Variants in CNTNAP2 observed in about 807,000 individuals in gnomAD.
CNTNAP2 encodes contactin associated protein 2.
CNTNAP2 carries 98 observed loss-of-function variants against 155.2 expected under a neutral mutation model. That is an observed-to-expected ratio of 0.63 (90% CI 0.54 to 0.75). The LOEUF is 0.75. CNTNAP2 is among the 30% of genes least tolerant of loss of function. The pLI, the probability that CNTNAP2 is intolerant of heterozygous loss-of-function variation, is 0.00. For synonymous variants in CNTNAP2, 651 were observed against 631.2 expected (o/e 1.03, Z -0.47); for missense variants, 1,727 against 1,688.1 (o/e 1.02, Z -0.40).
intron 8 of CNTNAP2, among the ~76,000 whole-genome samples, chr7:147,281,396 C>T (rs1805030020): frequency 6.6e-6 from 1 of 151,708 alleles, no homozygotes. Context: ...AATTGATGCT[C>T]TGTGAGGTCA....
At chr7:146,117,192 A>G (rs1797496639) in intron 1 of CNTNAP2, 1 of 567,780 alleles carries the variant, frequency 1.8e-6, no homozygotes, top group African/African-American at 1.9e-5. Context: ...GTTTCTGGAA[A>G]GTTGTTCCTG....
intron 12 of CNTNAP2, among the ~76,000 whole-genome samples, chr7:147,596,812 A>G (rs769654058): frequency 7.2e-5 from 11 of 152,186 alleles, no homozygotes; most frequent in Non-Finnish European, 1.0e-4. Flanking sequence ...GGTCATAAAG[A>G]CTTTGCTGAT....
intron 21 of CNTNAP2, among the ~76,000 whole-genome samples, chr7:148,301,193 C>G (rs1231470006): frequency 6.6e-6 from 1 of 151,230 alleles, no homozygotes. Context: ...ACTCAGGAGG[C>G]TGAGGCAGGA....
intron 13 of CNTNAP2, among the ~76,000 whole-genome samples, chr7:147,801,721 T>C (rs1422926396): frequency 1.4e-4 from 22 of 152,338 alleles, no homozygotes; most frequent in African/African-American, 3.4e-4. Flanking sequence ...CCATGTCTAC[T>C]TCTTTCTACA....
intron 13 of CNTNAP2, among the ~76,000 whole-genome samples, chr7:147,825,551 A>G (rs1486217016): frequency 1.3e-5 from 2 of 152,228 alleles, no homozygotes; most frequent in Non-Finnish European, 2.9e-5. Context: ...CTGATGTATG[A>G]TAATAGTATT....
At chr7:146,319,155 A>T (rs1800959150) in intron 1 of CNTNAP2, among the ~76,000 whole-genome samples, 1 of 152,054 alleles carries the variant, frequency 6.6e-6, no homozygotes, top group Admixed American at 6.5e-5. Flanking sequence ...AACCCTCCTT[A>T]TCCTCTAGGT....
At chr7:148,214,933 G>A (rs1430868928) in intron 18 of CNTNAP2, among the ~76,000 whole-genome samples, 4 of 152,094 alleles carry the variant, frequency 2.6e-5, no homozygotes, top group Non-Finnish European at 2.9e-5. Context: ...GTCCTTGCCC[G>A]TGCCCACTAA....
At chr7:146,717,790 C>T (rs983359700) in intron 1 of CNTNAP2, among the ~76,000 whole-genome samples, 7 of 152,014 alleles carry the variant, frequency 4.6e-5, no homozygotes, top group Non-Finnish European at 1.0e-4. Context: ...CGCCACACAG[C>T]TCTTTAGCAT....
intron 1 of CNTNAP2, among the ~76,000 whole-genome samples, chr7:146,600,662 G>T (rs1015546356): frequency 1.3e-5 from 2 of 152,002 alleles, no homozygotes; most frequent in Non-Finnish European, 2.9e-5. Context: ...TACCTTTTTA[G>T]TACTTGTATT....
At chr7:147,155,932 G>T (rs1801916794) in intron 8 of CNTNAP2, among the ~76,000 whole-genome samples, 1 of 152,052 alleles carries the variant, frequency 6.6e-6, no homozygotes, top group Admixed American at 6.6e-5. Flanking sequence ...TCAGAGTGTG[G>T]GAAAAATCTG....
intron 9 of CNTNAP2, among the ~76,000 whole-genome samples, chr7:147,319,023 T>C (rs553299701): frequency 6.6e-6 from 1 of 152,178 alleles, no homozygotes; most frequent in Non-Finnish European, 1.5e-5. Context: ...AAAAGTAATC[T>C]TCTGACATAG....
intron 3 of CNTNAP2, among the ~76,000 whole-genome samples, chr7:146,876,759 T>G (rs1242635147): frequency 1.3e-5 from 2 of 152,146 alleles, no homozygotes. Context: ...AATGATCCAA[T>G]ACACATTATT....
At chr7:148,225,852 T>A (rs1187441499) in intron 19 of CNTNAP2, among the ~76,000 whole-genome samples, 1 of 152,216 alleles carries the variant, frequency 6.6e-6, no homozygotes, top group Non-Finnish European at 1.5e-5. Flanking sequence ...TCAAGGCTTT[T>A]GGCAAGAATA....
chr7:146,427,930 C>T (rs189259995), intron 1 of CNTNAP2, among the ~76,000 whole-genome samples: 1 of 152,184 alleles, frequency 6.6e-6, no homozygotes, highest in Non-Finnish European at 1.5e-5. Context: ...GTGTGTTGTT[C>T]CCTGCCATGT....
At chr7:148,249,083 A>T (rs1022439521) in intron 20 of CNTNAP2, among the ~76,000 whole-genome samples, 3 of 152,166 alleles carry the variant, frequency 2.0e-5, no homozygotes, top group Admixed American at 2.0e-4. Context: ...TTATTATGTT[A>T]TAAGGATTCT....
At chr7:147,214,720 G>C (rs756007558) in intron 8 of CNTNAP2, among the ~76,000 whole-genome samples, 1 of 152,116 alleles carries the variant, frequency 6.6e-6, no homozygotes, top group Admixed American at 6.6e-5. Context: ...GGAAGGTACA[G>C]AGATATCCTG....
chr7:148,379,850 T>G (rs1341095336), intron 21 of CNTNAP2, among the ~76,000 whole-genome samples: 1 of 152,266 alleles, frequency 6.6e-6, no homozygotes, highest in Non-Finnish European at 1.5e-5. Flanking sequence ...CAGTGTTTCC[T>G]GCTCAGGTGC....
intron 13 of CNTNAP2, among the ~76,000 whole-genome samples, chr7:147,763,494 T>G (rs851650): frequency 0.45 from 68,148 of 151,102 alleles, 17,299 homozygotes; most frequent in African/African-American, 0.69. Flanking sequence ...TTCTGACAGT[T>G]GCAAAGAAGA....
intron 1 of CNTNAP2, among the ~76,000 whole-genome samples, chr7:146,366,495 A>G (rs1345165164): frequency 1.3e-5 from 2 of 152,150 alleles, no homozygotes; most frequent in African/African-American, 4.8e-5. Context: ...CAACAATCAT[A>G]AGAAATAAAC....
Sources: gnomAD v4.1 joint callset for allele counts (sites outside exome capture counted in the v4.1 genomes callset) on GRCh38, gnomAD v4.1.1 for gene constraint, MANE v1.5 for transcripts, NCBI Gene and HGNC (gene_info 2026-07-23, HGNC 2026-07-21) for gene names.